MTHFD1L: variants seen among roughly 807,000 people sequenced by gnomAD.
MTHFD1L encodes the protein monofunctional C1-tetrahydrofolate synthase, mitochondrial.
MTHFD1L carries 81 observed loss-of-function variants against 119.5 expected under a neutral mutation model. The observed-to-expected ratio is 0.68, with a 90% CI of 0.57 to 0.82. The LOEUF is 0.82. Among genes scored for constraint, MTHFD1L ranks in the 40% least tolerant of loss-of-function variants. The pLI, the probability that MTHFD1L is intolerant of heterozygous loss-of-function variation, is 0.00. For synonymous variants in MTHFD1L, 430 were observed against 475.2 expected (o/e 0.90, Z 1.24); for missense variants, 1,125 against 1,253.4 (o/e 0.90, Z 1.55).
rs1344381819 is a variant in MTHFD1L at position 151,090,450 on chromosome 6, C to T, written c.2848-2017C>T. Among the ~76,000 whole-genome samples the T allele has an allele frequency of 4.6e-5, 7 of 152,228 alleles. No individual in the cohort carries two copies. The East Asian group carries it at 1.2e-3, about 25-fold the overall frequency. On this transcript the variant is annotated intron_variant, in intron 26 of 27. Transcript: ENST00000367321. ...AAATGCAGCAGGTCTGGGGTGGGCT[C>T]TGAAATTCCGAATATCTAACAGGCT...
At position 151,090,283 on chromosome 6, in the gene MTHFD1L, TC is replaced by T. The variant is rs1794254893; in HGVS notation, c.2848-2180del. ...GCTCTCACCATTCCTTCTCTCCCTC[TC>T]CCCACCCCCAGTCTCCCTTTCCCTG... is the stretch of plus-strand genomic sequence containing the variant. On this transcript the variant is annotated intron_variant, in intron 26 of 27. Coordinates refer to ENST00000367321, the MANE Select transcript of MTHFD1L (RefSeq NM_015440.5). Among the ~76,000 whole-genome samples the T allele has an allele frequency of 4.6e-5, 7 of 152,212 alleles. No homozygotes were observed. In the South Asian group the frequency reaches 1.5e-3, roughly 32 times the overall value.
intron 11 of MTHFD1L, among the ~76,000 whole-genome samples, chr6:150,929,874 T>A (rs925796474): frequency 6.6e-6 from 1 of 152,160 alleles, no homozygotes. Context: ...CTTTTTTAAC[T>A]GTAGTGGAAA....
At chr6:150,896,679 A>C (rs1784275474) in intron 7 of MTHFD1L, among the ~76,000 whole-genome samples, 1 of 152,182 alleles carries the variant, frequency 6.6e-6, no homozygotes, top group Non-Finnish European at 1.5e-5. Context: ...GTTTGTTAAT[A>C]CCAAGGAAGA....
intron 26 of MTHFD1L, among the ~76,000 whole-genome samples, chr6:151,075,400 G>A (rs1584406246): frequency 6.6e-6 from 1 of 152,152 alleles, no homozygotes. Flanking sequence ...ATATAAAAGA[G>A]GCTTGTTTCA....
intron 27 of MTHFD1L, among the ~76,000 whole-genome samples, chr6:151,094,327 A>G (rs1362770196): frequency 6.6e-6 from 1 of 151,892 alleles, no homozygotes; most frequent in African/African-American, 2.4e-5. Context: ...TTCTCATTTC[A>G]TTTGTTTCAC....
intron 26 of MTHFD1L, among the ~76,000 whole-genome samples, chr6:151,061,130 A>G (rs1790570140): frequency 6.6e-6 from 1 of 152,162 alleles, no homozygotes; most frequent in Non-Finnish European, 1.5e-5. Context: ...AAGAACCTAG[A>G]AACAATTTTA....
intron 26 of MTHFD1L, among the ~76,000 whole-genome samples, chr6:151,054,394 C>T (rs973160220): frequency 1.3e-5 from 2 of 152,058 alleles, no homozygotes; most frequent in Non-Finnish European, 2.9e-5. Context: ...TGAAAAAACA[C>T]GCGTCCATAA....
chr6:151,000,630 T>C (rs1277690956), intron 20 of MTHFD1L, among the ~76,000 whole-genome samples: 1 of 152,258 alleles, frequency 6.6e-6, no homozygotes, highest in African/African-American at 2.4e-5. Flanking sequence ...TTATAGTTAA[T>C]TGAATGATTT....
In MTHFD1L at chr6:150,916,737, C is replaced by CTTTTTTTTTTTTTTTTTTTTTTTTT. The variant is rs57961829; in HGVS notation, c.893-1822_893-1798dup. On this transcript the variant is annotated intron_variant, in intron 8 of 27. Coordinates refer to ENST00000367321, the MANE Select transcript of MTHFD1L (RefSeq NM_015440.5). ...TTTTGATGGAAAATTGATTCTATCC[C>CTTTTTTTTTTTTTTTTTTTTTTTTT]TTTTTTTTTTTTTTTTTTTTTTTTT... Among the ~76,000 whole-genome samples, 2 of 72,112 alleles carry CTTTTTTTTTTTTTTTTTTTTTTTTT rather than the reference C, an allele frequency of 2.8e-5. 1 individual carries two copies. Among genetic ancestry groups the CTTTTTTTTTTTTTTTTTTTTTTTTT allele is most frequent in the African/African-American group, 8.7e-5 (2 of 22,894 alleles). The allele number at this position is 72,112 out of a possible 152,430, so 47.3% of individuals were successfully genotyped here.
At chr6:150,925,064 G>A (rs1789700555) in intron 10 of MTHFD1L, among the ~76,000 whole-genome samples, 1 of 152,088 alleles carries the variant, frequency 6.6e-6, no homozygotes, top group Non-Finnish European at 1.5e-5. Context: ...AGTCTAGGGT[G>A]GTCTGAACAC....
intron 19 of MTHFD1L, among the ~76,000 whole-genome samples, chr6:150,971,304 C>G (rs1410966535): frequency 1.3e-5 from 2 of 152,164 alleles, no homozygotes; most frequent in Middle Eastern, 3.2e-3. Context: ...TCAAGCTGTT[C>G]TTGTGCTTCA....
chr6:150,942,890 T>C (rs955739010), intron 13 of MTHFD1L, among the ~76,000 whole-genome samples: 6 of 152,224 alleles, frequency 3.9e-5, no homozygotes, highest in African/African-American at 1.2e-4. Context: ...AAATTATTTC[T>C]TAGTCTAAAA....
rs774695918 is a variant in MTHFD1L, at chr6:150,903,203, A to ATTTTT, written c.781-2419_781-2415dup. The stretch of plus-strand genomic sequence containing the variant: ...GATTGCTGGTGATATTGGCTGCAAA[A>ATTTTT]TTTTTTTTTTTTTTTTTTTTTTTTT... On this transcript the variant is annotated intron_variant, in intron 7 of 27. Transcript: ENST00000367321. Among the ~76,000 whole-genome samples the ATTTTT allele has an allele frequency of 5.1e-4, 44 of 85,464 alleles. 1 individual carries two copies. Among genetic ancestry groups the ATTTTT allele is most frequent in the African/African-American group, 1.6e-3 (32 of 19,982 alleles). 56.1% of individuals were successfully genotyped at this position (85,464 alleles called of 152,430 possible).
chr6:150,997,264 C>T (rs1237934687), intron 20 of MTHFD1L, among the ~76,000 whole-genome samples: 1 of 152,154 alleles, frequency 6.6e-6, no homozygotes, highest in Non-Finnish European at 1.5e-5. Flanking sequence ...TGTGCTGAGC[C>T]CTGGACAAGG....
At chr6:151,079,575 C>T (rs1268760330) in intron 26 of MTHFD1L, among the ~76,000 whole-genome samples, 2 of 151,956 alleles carry the variant, frequency 1.3e-5, no homozygotes, top group African/African-American at 4.8e-5. Context: ...CCGCAACCTC[C>T]GCCCCCCGGA....
chr6:150,934,331 A>AC (rs1791686855), intron 11 of MTHFD1L, among the ~76,000 whole-genome samples: 1 of 152,268 alleles, frequency 6.6e-6, no homozygotes, highest in African/African-American at 2.4e-5. Context: ...GGTCTCACCT[A>AC]AGATGTTACT....
rs775302987 is a variant in MTHFD1L, at chr6:150,944,533, T to C, written c.1488T>C (p.Asn496=). The C allele has an allele frequency of 6.2e-7, 1 of 1,614,140 alleles. No homozygotes were observed. The highest frequency in any genetic ancestry group is 1.1e-5 in the South Asian group (1 of 91,022). The change falls in exon 14 of 28, where the codon AAT becomes AAC. Residue 496 remains asparagine (N), a synonymous_variant. Transcript: ENST00000367321. ...ACATCCACGCCATCACCGCTGCCAA[T>C]AACTTGCTGGCTGCCGCCATCGACA... ...TGDIHAITAA[N]NLLAAAIDTR...
At position 150,956,031 on chromosome 6, in the gene MTHFD1L, C is replaced by T. The variant is rs1434522148; in HGVS notation, c.1763C>T (p.Thr588Ile). ...AATGACCGATTTCTACGAAAAATAA[C>T]CATCGGGCAGGGAAACACAGAGAAG... is the stretch of plus-strand genomic sequence containing the variant. ...DTNDRFLRKI[T>I]IGQGNTEKGH... is the part of the protein sequence containing the mutation. The change falls in exon 17 of 28, where the codon ACC becomes ATC. Residue 588 changes from threonine to isoleucine, a missense_variant. By Grantham distance (89) the Thr-to-Ile change is moderately conservative. Transcript: ENST00000367321. 6.2e-7 allele frequency: 1 copy of T among 1,614,114 alleles called. No individual in the cohort carries two copies. Among genetic ancestry groups the T allele is most frequent in the South Asian group, 1.1e-5 (1 of 91,084 alleles).
chr6:150,994,064 TAAAAAA>T (rs746589557), intron 20 of MTHFD1L, among the ~76,000 whole-genome samples: 14 of 74,264 alleles, frequency 1.9e-4, no homozygotes, highest in African/African-American at 9.9e-4. Context: ...ACAACAACAG[TAAAAAA>T]AAAAAAAAAA....
Sources: allele counts gnomAD v4.1 joint callset (sites outside exome capture counted in the v4.1 genomes callset), GRCh38; gene constraint gnomAD v4.1.1; transcripts MANE v1.5; gene names NCBI Gene and HGNC (gene_info 2026-07-23, HGNC 2026-07-21).